The following RIMS2 variants were observed in gnomAD, a reference collection of about 807,000 sequenced individuals.
RIMS2 encodes regulating synaptic membrane exocytosis 2.
RIMS2 carries 59 observed loss-of-function variants against 174.4 expected under a neutral mutation model. That is an observed-to-expected ratio of 0.34 (90% CI 0.27 to 0.42). The LOEUF (loss-of-function observed/expected upper bound fraction) is 0.42. Ranked by LOEUF, RIMS2 falls within the 10% of genes least tolerant of loss-of-function variation. RIMS2 has a pLI of 1.00. For missense variants in RIMS2, 1,620 were observed against 1,666.3 expected (o/e 0.97, Z 0.48); for synonymous variants, 606 against 572.5 (o/e 1.06, Z -0.84).
chr8:104,120,030 G>A (rs1337275119), intron 19 of RIMS2, among the ~76,000 whole-genome samples: 1 of 152,142 alleles, frequency 6.6e-6, no homozygotes, highest in Non-Finnish European at 1.5e-5. Context: ...CTATAATAGA[G>A]ACAGCACTGA....
chr8:103,591,291 G>C (rs1263379603), intron 1 of RIMS2, among the ~76,000 whole-genome samples: 1 of 150,374 alleles, frequency 6.7e-6, no homozygotes, highest in African/African-American at 2.4e-5. Context: ...TTTAAGTTCT[G>C]TTTATTCATG....
intron 1 of RIMS2, among the ~76,000 whole-genome samples, chr8:103,519,410 G>T (rs1473371550): frequency 6.6e-6 from 1 of 152,010 alleles, no homozygotes; most frequent in African/African-American, 2.4e-5. Flanking sequence ...TCATGCCATA[G>T]CTCAAACTGT....
intron 19 of RIMS2, among the ~76,000 whole-genome samples, chr8:104,075,267 A>C (rs1318494873): frequency 1.3e-5 from 2 of 152,224 alleles, no homozygotes; most frequent in Non-Finnish European, 2.9e-5. Flanking sequence ...AAATAGAACA[A>C]GAGGATTCTA....
chr8:104,023,051 T>C (rs1046539700), intron 19 of RIMS2, among the ~76,000 whole-genome samples: 1 of 152,224 alleles, frequency 6.6e-6, no homozygotes, highest in African/African-American at 2.4e-5. Flanking sequence ...GCTTTTTATT[T>C]ACAGTTTATT....
intron 4 of RIMS2, among the ~76,000 whole-genome samples, chr8:103,902,009 A>T (rs1201730947): frequency 6.6e-6 from 1 of 152,200 alleles, no homozygotes; most frequent in African/African-American, 2.4e-5. Context: ...GAGTCTTAGC[A>T]TGGCTAAGCT....
At chr8:103,526,826 G>C (rs575163907) in intron 1 of RIMS2, among the ~76,000 whole-genome samples, 1 of 151,684 alleles carries the variant, frequency 6.6e-6, no homozygotes, top group South Asian at 2.1e-4. Context: ...GAGAAGGAGA[G>C]TGCAAGAGAC....
intron 1 of RIMS2, among the ~76,000 whole-genome samples, chr8:103,593,550 T>A (rs968108710): frequency 2.0e-4 from 31 of 151,460 alleles, no homozygotes; most frequent in Non-Finnish European, 7.4e-5. Flanking sequence ...CCTTTTCCAA[T>A]CAAATATCTG....
chr8:103,768,372 A>G (rs529954374), intron 3 of RIMS2: 8 of 734,600 alleles, frequency 1.1e-5, no homozygotes, highest in Non-Finnish European at 1.8e-5. Context: ...TATGAGAAGC[A>G]TATGGCCACA....
At chr8:103,710,297 T>A (rs1259649223) in intron 2 of RIMS2, among the ~76,000 whole-genome samples, 1 of 152,182 alleles carries the variant, frequency 6.6e-6, no homozygotes, top group Non-Finnish European at 1.5e-5. Context: ...TAAAATAATC[T>A]TTTGTTTTAA....
intron 19 of RIMS2, among the ~76,000 whole-genome samples, chr8:104,015,175 A>G (rs1321673472): frequency 1.3e-5 from 2 of 152,196 alleles, no homozygotes; most frequent in Non-Finnish European, 2.9e-5. Context: ...TTCTTGGATA[A>G]AGGACCTCTA....
At chr8:103,563,678 C>A (rs2091946188) in intron 1 of RIMS2, among the ~76,000 whole-genome samples, 1 of 152,096 alleles carries the variant, frequency 6.6e-6, no homozygotes, top group Non-Finnish European at 1.5e-5. Context: ...CAGTAGCACC[C>A]CACTCCTGGT....
At chr8:104,239,329 G>A (rs191529675) in intron 19 of RIMS2, among the ~76,000 whole-genome samples, 220 of 152,242 alleles carry the variant, frequency 1.4e-3, no homozygotes, top group African/African-American at 4.9e-3. Context: ...GCAGAATAAC[G>A]AGGACACCTG....
intron 1 of RIMS2, among the ~76,000 whole-genome samples, chr8:103,686,251 T>C (rs2096939029): frequency 6.6e-6 from 1 of 152,166 alleles, no homozygotes; most frequent in African/African-American, 2.4e-5. Flanking sequence ...TGAGATTTTA[T>C]ACAAAGACAG....
chr8:103,965,162 T>G (rs932071479), intron 15 of RIMS2, among the ~76,000 whole-genome samples: 3 of 152,182 alleles, frequency 2.0e-5, no homozygotes, highest in Admixed American at 1.3e-4. Flanking sequence ...CCATATGAGG[T>G]CTGGAATCTG....
In RIMS2 at chr8:103,910,350, A is replaced by G. The variant is rs373456956; in HGVS notation, c.1692+149A>G. On this transcript the variant is annotated intron_variant, in intron 5 of 23. Transcript: ENST00000504942. Reference sequence around the variant, plus strand: ...CAGTCAAAAGGGAAAAAGAAAAACTAGTGAGCAGGCAGTTTTGTCGGACTC... The same window carrying G: ...CAGTCAAAAGGGAAAAAGAAAAACTGGTGAGCAGGCAGTTTTGTCGGACTC... 68 of 1,597,404 alleles carry G rather than the reference A, an allele frequency of 4.3e-5. No homozygotes were observed. The African/African-American group carries it at 9.2e-4, about 21-fold the overall frequency.
intron 1 of RIMS2, among the ~76,000 whole-genome samples, chr8:103,597,216 C>T (rs1016537554): frequency 1.3e-5 from 2 of 152,236 alleles, no homozygotes; most frequent in Non-Finnish European, 2.9e-5. Flanking sequence ...ACCATATTTT[C>T]TTTAACTATA....
At chr8:103,915,470 G>A in intron 6 of RIMS2, 25 bp from the exon 10 acceptor site, 1 of 1,403,486 alleles carries the variant, frequency 7.1e-7, no homozygotes, top group South Asian at 1.2e-5. Context: ...ATATTCCCAT[G>A]TTAATACTTT....
intron 19 of RIMS2, among the ~76,000 whole-genome samples, chr8:104,239,942 T>A (rs1260429780): frequency 6.6e-6 from 1 of 152,120 alleles, no homozygotes; most frequent in African/African-American, 2.4e-5. Flanking sequence ...GTGGACAGAA[T>A]CCAATTCCTT....
At chr8:103,873,014 A>T (rs903668820) in intron 3 of RIMS2, among the ~76,000 whole-genome samples, 14 of 152,300 alleles carry the variant, frequency 9.2e-5, no homozygotes, top group Non-Finnish European at 1.9e-4. Context: ...CTTTCAGTTT[A>T]AGAGGTGTTA....
Sources: gnomAD v4.1 joint callset for allele counts (sites outside exome capture counted in the v4.1 genomes callset) on GRCh38, gnomAD v4.1.1 for gene constraint, MANE v1.5 for transcripts, NCBI Gene and HGNC (gene_info 2026-07-23, HGNC 2026-07-21) for gene names.